GTF2E2: variants seen among roughly 807,000 people sequenced by gnomAD.
GTF2E2 encodes the protein transcription initiation factor IIE subunit beta.
In GTF2E2, 21 loss-of-function variants were observed where a neutral mutation model predicts 40.5. The observed-to-expected ratio is 0.52, with a 90% confidence interval of 0.37 to 0.75. The LOEUF (loss-of-function observed/expected upper bound fraction) is 0.75, where lower values mean the gene tolerates loss of function less well. Among genes scored for constraint, GTF2E2 ranks in the 30% least tolerant of loss-of-function variants. GTF2E2 has a pLI of 0.00. For synonymous variants in GTF2E2, 117 were observed against 121.6 expected (o/e 0.96, Z 0.25); for missense variants, 298 against 338.4 (o/e 0.88, Z 0.94).
At chr8:30,583,724 T>C (rs1038330364) in intron 6 of GTF2E2, among the ~76,000 whole-genome samples, 1 of 152,204 alleles carries the variant, frequency 6.6e-6, no homozygotes, top group South Asian at 2.1e-4. Flanking sequence ...CTCATGGATA[T>C]TACTGTACAG....
At chr8:30,587,053 T>C (rs1828705274) in intron 6 of GTF2E2, among the ~76,000 whole-genome samples, 1 of 152,138 alleles carries the variant, frequency 6.6e-6, no homozygotes. Context: ...GTAAACAGAC[T>C]GAAGAGACAA....
chr8:30,588,839 T>G (rs189671199), intron 6 of GTF2E2, among the ~76,000 whole-genome samples: 1 of 152,306 alleles, frequency 6.6e-6, no homozygotes, highest in East Asian at 1.9e-4. Flanking sequence ...ATTTAAGACT[T>G]CTGACCTCCA....
intron 6 of GTF2E2, among the ~76,000 whole-genome samples, chr8:30,586,398 G>A (rs1828684997): frequency 6.6e-6 from 1 of 152,132 alleles, no homozygotes; most frequent in Admixed American, 6.5e-5. Flanking sequence ...AGAATCTTGA[G>A]ATGAGGAGAT....
intron 6 of GTF2E2, among the ~76,000 whole-genome samples, chr8:30,583,761 GATA>G (rs1181702966): frequency 7.9e-5 from 12 of 151,950 alleles, no homozygotes; most frequent in Non-Finnish European, 1.5e-4. Flanking sequence ...TTATTACACA[GATA>G]ATCCATGACG....
chr8:30,642,456 T>G (rs1261056164), intron 2 of GTF2E2, among the ~76,000 whole-genome samples: 1 of 152,194 alleles, frequency 6.6e-6, no homozygotes, highest in Non-Finnish European at 1.5e-5. Flanking sequence ...TTTCTCTTTT[T>G]AAAATAGATG....
chr8:30,641,813 T>G (rs1801844876), intron 2 of GTF2E2, among the ~76,000 whole-genome samples: 1 of 151,968 alleles, frequency 6.6e-6, no homozygotes, highest in Non-Finnish European at 1.5e-5. Context: ...GATGCAGAGG[T>G]TGCAGTGAGT....
chr8:30,593,542 G>C (rs534212781), intron 6 of GTF2E2, among the ~76,000 whole-genome samples: 70 of 152,192 alleles, frequency 4.6e-4, no homozygotes, highest in Non-Finnish European at 8.8e-4. Context: ...ACCCAAACTG[G>C]AGTGCAGTGG....
At chr8:30,605,379 A>C (rs1243811370) in intron 6 of GTF2E2, among the ~76,000 whole-genome samples, 1 of 152,214 alleles carries the variant, frequency 6.6e-6, no homozygotes, top group Non-Finnish European at 1.5e-5. Flanking sequence ...ATCAAGAAAC[A>C]ATAGCATAAG....
intron 6 of GTF2E2, among the ~76,000 whole-genome samples, chr8:30,586,826 C>T (rs1288351413): frequency 6.6e-6 from 1 of 152,174 alleles, no homozygotes; most frequent in Non-Finnish European, 1.5e-5. Context: ...TGAAATGAGG[C>T]CACTGTCTCA....
At chr8:30,587,382 C>T (rs1042902810) in intron 6 of GTF2E2, among the ~76,000 whole-genome samples, 4 of 150,414 alleles carry the variant, frequency 2.7e-5, no homozygotes, top group African/African-American at 4.9e-5. Context: ...CGCTGCATTA[C>T]AATCTGGGCA....
chr8:30,596,316 C>A (rs1471845897), intron 6 of GTF2E2, among the ~76,000 whole-genome samples: 1 of 152,142 alleles, frequency 6.6e-6, no homozygotes, highest in Non-Finnish European at 1.5e-5. Flanking sequence ...GGGTTCTCTG[C>A]CCTATTTTTT....
chr8:30,596,087 C>A (rs1828997323), intron 6 of GTF2E2, among the ~76,000 whole-genome samples: 1 of 152,150 alleles, frequency 6.6e-6, no homozygotes, highest in Non-Finnish European at 1.5e-5. Context: ...TCATATTCTG[C>A]AATTTGAATA....
At chr8:30,635,199 G>T in intron 2 of GTF2E2, 76 bp from the exon 3 acceptor site, 1 of 781,492 alleles carries the variant, frequency 1.3e-6, no homozygotes, top group South Asian at 1.6e-5. Context: ...TAATTTTAAT[G>T]CTGGTAACAT....
chr8:30,580,641 G>C (rs147622464), intron 6 of GTF2E2, among the ~76,000 whole-genome samples: 1 of 152,294 alleles, frequency 6.6e-6, no homozygotes, highest in East Asian at 1.9e-4. Flanking sequence ...AATGAGGGCT[G>C]CCACAATGAA....
At chr8:30,615,285 A>C (rs1800886360) in intron 3 of GTF2E2, among the ~76,000 whole-genome samples, 1 of 152,130 alleles carries the variant, frequency 6.6e-6, no homozygotes, top group Non-Finnish European at 1.5e-5. Context: ...GTCTTGAAAA[A>C]ACACAAAACT....
At chr8:30,588,914 G>A (rs1021892691) in intron 6 of GTF2E2, among the ~76,000 whole-genome samples, 5 of 152,190 alleles carry the variant, frequency 3.3e-5, no homozygotes, top group African/African-American at 1.2e-4. Flanking sequence ...TCTTACAGCA[G>A]CAACAGGAAA....
At chr8:30,580,050 C>A (rs1352998019) in intron 7 of GTF2E2, among the ~76,000 whole-genome samples, 2 of 152,086 alleles carry the variant, frequency 1.3e-5, no homozygotes, top group Non-Finnish European at 1.5e-5. Context: ...TATGGCTATA[C>A]CTCAAGAGCA....
intron 1 of GTF2E2, among the ~76,000 whole-genome samples, chr8:30,655,323 G>A (rs1180020827): frequency 6.6e-6 from 1 of 152,058 alleles, no homozygotes; most frequent in African/African-American, 2.4e-5. Flanking sequence ...ACTACAACCA[G>A]GGAAGCTACA....
At position 30,617,517 on chromosome 8, in the gene GTF2E2, A is replaced by G. The variant is rs963981312; in HGVS notation, c.259-2802T>C. Among the ~76,000 whole-genome samples, 32 of 152,122 alleles carry G rather than the reference A, an allele frequency of 2.1e-4. 1 individual carries two copies. Among genetic ancestry groups the G allele is most frequent in the Admixed American group, 2.1e-3 (32 of 15,262 alleles). On this transcript the variant is annotated intron_variant, in intron 3 of 7. Coordinates refer to ENST00000355904, the MANE Select transcript of GTF2E2 (RefSeq NM_002095.6). ...AGCAAATTGGAAGGTCAAAGTGGGC[A>G]GGTTGCTTGAACCCAGGAGATTGAG...
Sources: gnomAD v4.1 joint callset for allele counts (sites outside exome capture counted in the v4.1 genomes callset) on GRCh38, gnomAD v4.1.1 for gene constraint, MANE v1.5 for transcripts, NCBI Gene and HGNC (gene_info 2026-07-23, HGNC 2026-07-21) for gene names.